Variants in SCUBE1 observed in about 807,000 individuals in gnomAD.
SCUBE1 encodes signal peptide, CUB and EGF-like domain-containing protein 1.
A neutral mutation model predicts 124.4 loss-of-function variants in SCUBE1; 59 were observed. That is an observed-to-expected ratio of 0.47 (90% CI 0.38 to 0.59). SCUBE1 has a LOEUF of 0.59. SCUBE1 is among the 20% of genes least tolerant of loss of function. The pLI is 0.00. For synonymous variants in SCUBE1, 545 were observed against 550.9 expected, an observed-to-expected ratio of 0.99 and a Z score of 0.15; for missense variants, 1,150 against 1,371.2, an observed-to-expected ratio of 0.84 and a Z score of 2.55.
At chr22:43,284,770 G>A (rs931463231) in intron 4 of SCUBE1, among the ~76,000 whole-genome samples, 1 of 151,078 alleles carries the variant, frequency 6.6e-6, no homozygotes, top group Non-Finnish European at 1.5e-5. Context: ...CATCGTCGTC[G>A]TCGTCGTCGT....
At chr22:43,284,056 G>A (rs763430951) in intron 4 of SCUBE1, among the ~76,000 whole-genome samples, 4 of 152,220 alleles carry the variant, frequency 2.6e-5, no homozygotes, top group African/African-American at 9.6e-5. Flanking sequence ...GCCCGAGCCC[G>A]CAGGCTCTTA....
chr22:43,295,502 G>A (rs572326118), intron 3 of SCUBE1, among the ~76,000 whole-genome samples: 13 of 150,144 alleles, frequency 8.7e-5, no homozygotes, highest in African/African-American at 2.7e-4. Context: ...GCTCACTACC[G>A]CCAAGGGACC....
chr22:43,252,767 G>C (rs1273832674), intron 6 of SCUBE1, among the ~76,000 whole-genome samples: 1 of 152,200 alleles, frequency 6.6e-6, no homozygotes, highest in Non-Finnish European at 1.5e-5. Context: ...GACTGGCTCT[G>C]AATGTGATGC....
intron 5 of SCUBE1, among the ~76,000 whole-genome samples, chr22:43,259,434 C>T (rs575458292): frequency 1.2e-4 from 19 of 152,180 alleles, no homozygotes; most frequent in Non-Finnish European, 2.1e-4. Context: ...GGCAAAAATC[C>T]CAAATCCTGA....
At chr22:43,294,110 C>T (rs1417259974) in intron 3 of SCUBE1, among the ~76,000 whole-genome samples, 1 of 152,232 alleles carries the variant, frequency 6.6e-6, no homozygotes, top group African/African-American at 2.4e-5. Context: ...TGTCCCCACT[C>T]CCAAGTGATA....
rs150238981 is a variant in SCUBE1 at position 43,214,167 on chromosome 22, C to G, written c.1976G>C (p.Gly659Ala). ...GGGGCACGGTGTGCAACTGAGCTGG[C>G]CTTCCATGTCCTGGTATGTTCCTGG... is the stretch of plus-strand genomic sequence containing the variant. ...CMPGTYQDME[G>A]QLSCTPCPSS... Residue 659 changes from glycine to alanine, a missense_variant, in exon 16 of 22, where the codon GGC becomes GCC. This residue lies in a region of SCUBE1 where 757 missense variants were observed against 840.9 expected (regional missense o/e 0.90). Coordinates refer to ENST00000360835, the MANE Select transcript of SCUBE1 (RefSeq NM_173050.5). The G allele has an allele frequency of 2.5e-6, 4 of 1,612,716 alleles. No homozygotes were observed. Among genetic ancestry groups the G allele is most frequent in the South Asian group, 2.2e-5 (2 of 91,068 alleles).
At chr22:43,309,004 G>A (rs547521817) in intron 3 of SCUBE1, among the ~76,000 whole-genome samples, 76 of 152,278 alleles carry the variant, frequency 5.0e-4, no homozygotes, top group Non-Finnish European at 9.0e-4. Flanking sequence ...CAGCGCAAGA[G>A]GCTGGGAGAG....
rs1921511888 is a variant in SCUBE1, at chr22:43,210,752, G to T, written c.2383+170C>A. ...GGGCCAAGCCAGGGCTGCCCCTTTG[G>T]TGCCACAGGCCTCCAGATGGATGCA... is the stretch of plus-strand genomic sequence containing the variant. On this transcript the variant is annotated intron_variant, in intron 18 of 21. Transcript: ENST00000360835. This position sits in a 1 kb window ranked among gnomAD's most constrained non-coding sequence, Gnocchi z 4.5. Among the ~76,000 whole-genome samples the T allele has an allele frequency of 6.6e-6, 1 of 152,236 alleles. No homozygotes were observed. Among genetic ancestry groups the T allele is most frequent in the African/African-American group, 2.4e-5 (1 of 41,458 alleles).
Position 43,199,340 on chromosome 22 carries a change from C to T in SCUBE1, c.*4657G>A, listed in dbSNP as rs1413864989. 6.5e-6 allele frequency: 1 copy of T among 153,886 alleles called. No individual in the cohort carries two copies. Among genetic ancestry groups the T allele is most frequent in the Admixed American group, 6.4e-5 (1 of 15,734 alleles). 9.5% of individuals were successfully genotyped at this position (153,886 alleles called of 1,614,324 possible). ...GTGGACAAGCCCAGGGGACAGGCTT[C>T]ACTGAGACGCTGCCTGCGGATGGTG... On this transcript the variant is annotated 3_prime_UTR_variant, in exon 22 of 22. Coordinates refer to ENST00000360835, the MANE Select transcript of SCUBE1 (RefSeq NM_173050.5).
At chr22:43,339,427 TG>T (rs758574361) in intron 1 of SCUBE1, among the ~76,000 whole-genome samples, 192 bp from the exon 2 acceptor site, 12 of 152,068 alleles carry the variant, frequency 7.9e-5, no homozygotes, top group Non-Finnish European at 1.6e-4. Context: ...AGCTACTCTG[TG>T]GCAGGGACAA....
At chr22:43,330,874 A>G (rs780179931) in intron 2 of SCUBE1, among the ~76,000 whole-genome samples, 1 of 152,220 alleles carries the variant, frequency 6.6e-6, no homozygotes, top group Non-Finnish European at 1.5e-5. Flanking sequence ...GAGCACTTTC[A>G]TCTTCGGCAG....
At position 43,255,705 on chromosome 22, in the gene SCUBE1, T is replaced by C; in HGVS notation, c.727+2514A>G. ...ACACAACACGCCGGCCAGCTCGGCATCCTCGCCAAGGGGCTAATCCCAGGA... is the reference window on the plus strand; with the variant it reads ...ACACAACACGCCGGCCAGCTCGGCACCCTCGCCAAGGGGCTAATCCCAGGA... On this transcript the variant is annotated intron_variant, in intron 6 of 21. Coordinates refer to ENST00000360835, the MANE Select transcript of SCUBE1 (RefSeq NM_173050.5). This position sits in a 1 kb window ranked among gnomAD's most constrained non-coding sequence, Gnocchi z 4.7. The C allele has an allele frequency of 1.3e-6, 1 of 786,734 alleles. No individual in the cohort carries two copies. The highest frequency in any genetic ancestry group is 2.1e-6 in the Non-Finnish European group (1 of 476,288). 48.7% of individuals were successfully genotyped at this position (786,734 alleles called of 1,614,324 possible).
At chr22:43,281,497 C>T (rs1209544607) in intron 4 of SCUBE1, among the ~76,000 whole-genome samples, 2 of 88,346 alleles carry the variant, frequency 2.3e-5, no homozygotes, top group Non-Finnish European at 4.6e-5. Context: ...TGGCCACCCT[C>T]CTGTCACCTC....
At position 43,223,232 on chromosome 22, in the gene SCUBE1, C is replaced by CGTTA; in HGVS notation, c.1208-17_1208-16insTAAC. 6.4e-7 allele frequency: 1 copy of CGTTA among 1,562,374 alleles called. No homozygotes were observed. The highest frequency in any genetic ancestry group is 8.6e-7 in the Non-Finnish European group (1 of 1,163,780). On this transcript the variant is annotated splice_polypyrimidine_tract_variant and intron_variant, in intron 10 of 21. Coordinates refer to ENST00000360835, the MANE Select transcript of SCUBE1 (RefSeq NM_173050.5). ...TTGCCTGTCTCTATGAAGGGAGATACGAGAGAGGGCTGAGAGAGGCCAGGG... is the reference window on the plus strand; with the variant it reads ...TTGCCTGTCTCTATGAAGGGAGATACGTTAGAGAGAGGGCTGAGAGAGGCCAGGG...
chr22:43,205,335 C>T (rs997551164), intron 21 of SCUBE1, among the ~76,000 whole-genome samples: 2 of 152,026 alleles, frequency 1.3e-5, no homozygotes, highest in Admixed American at 6.5e-5. Flanking sequence ...CCCAGTGTCT[C>T]GTCTCTCTAG....
chr22:43,198,734 T>C lies in SCUBE1; in HGVS notation c.*5263A>G, dbSNP rs1601785330. ...GGTGAAAATGGCTGGACTCCCTGGG[T>C]GAGAAGGAAGGCTTCTCCCTGTGGG... On this transcript the variant is annotated 3_prime_UTR_variant, in exon 22 of 22. Transcript: ENST00000360835. 1 of 456,554 alleles carries C rather than the reference T, an allele frequency of 2.2e-6. No homozygotes were observed. Among genetic ancestry groups the C allele is most frequent in the East Asian group, 7.0e-5 (1 of 14,388 alleles). 28.3% of individuals were successfully genotyped at this position (456,554 alleles called of 1,614,324 possible).
chr22:43,311,976 G>A (rs1035686762), intron 3 of SCUBE1, among the ~76,000 whole-genome samples: 6 of 152,146 alleles, frequency 3.9e-5, no homozygotes, highest in Admixed American at 2.6e-4. Context: ...AATGGCCAAA[G>A]CTTGCATATT....
chr22:43,287,792 G>A (rs1320632838), intron 4 of SCUBE1, among the ~76,000 whole-genome samples: 3 of 152,250 alleles, frequency 2.0e-5, no homozygotes, highest in African/African-American at 7.2e-5. Context: ...AACAAGCTGA[G>A]TCTTAGCTCC....
At chr22:43,292,412 C>T (rs888456885) in intron 3 of SCUBE1, among the ~76,000 whole-genome samples, 1 of 152,158 alleles carries the variant, frequency 6.6e-6, no homozygotes, top group African/African-American at 2.4e-5. Context: ...AGTCATAACC[C>T]CCTGCTCTGT....
Sources: allele counts gnomAD v4.1 joint callset (sites outside exome capture counted in the v4.1 genomes callset), GRCh38; gene constraint gnomAD v4.1.1; regional missense constraint gnomAD v4.1.1; non-coding constraint Gnocchi (gnomAD v3.1); transcripts MANE v1.5; gene names NCBI Gene and HGNC (gene_info 2026-07-23, HGNC 2026-07-21).